The following RASSF8 variants were observed in gnomAD, a reference collection of about 807,000 sequenced individuals.
RASSF8 encodes Ras association domain family member 8.
A neutral mutation model predicts 48.5 loss-of-function variants in RASSF8; 22 were observed. The ratio of observed to expected loss-of-function variants is 0.45; its 90% confidence interval spans 0.32 to 0.65. RASSF8 has a LOEUF of 0.65. Among genes scored for constraint, RASSF8 ranks in the 30% least tolerant of loss-of-function variants. The pLI is 0.03. For synonymous variants in RASSF8, 127 were observed against 171.5 expected (o/e 0.74, Z 2.03); for missense variants, 418 against 489.2 (o/e 0.85, Z 1.37).
intron 2 of RASSF8, among the ~76,000 whole-genome samples, chr12:26,010,569 G>C (rs1218378896): frequency 6.6e-6 from 1 of 152,198 alleles, no homozygotes. Context: ...CAGTGGGAAA[G>C]CTCTTTCCTT....
At chr12:26,050,431 A>G (rs1342468186) in intron 2 of RASSF8, among the ~76,000 whole-genome samples, 1 of 152,190 alleles carries the variant, frequency 6.6e-6, no homozygotes, top group Non-Finnish European at 1.5e-5. Context: ...GTACTAGATA[A>G]GGTACAATTT....
chr12:25,984,989 A>G (rs1941838214), intron 1 of RASSF8, among the ~76,000 whole-genome samples: 1 of 152,130 alleles, frequency 6.6e-6, no homozygotes, highest in Non-Finnish European at 1.5e-5. Flanking sequence ...TGTCCAGAGG[A>G]AAGCATCCAG....
Position 26,064,933 on chromosome 12 carries a change from T to C in RASSF8, c.539T>C (p.Ile180Thr). ...IRLQTEKLQS[I>T]EKQLESNEIE... ...CTGCAGACAGAGAAGCTTCAATCCA[T>C]TGAGAAACAGCTGGAATCTAATGAA... Residue 180 changes from isoleucine to threonine, a missense_variant, in exon 4 of 6, where the codon ATT (isoleucine) becomes ACT (threonine). Ile to Thr is a moderately conservative substitution (Grantham distance 89). Transcript: ENST00000689635. 1 of 1,614,100 alleles carries C rather than the reference T, an allele frequency of 6.2e-7. No homozygotes were observed. The highest frequency in any genetic ancestry group is 8.5e-7 in the Non-Finnish European group (1 of 1,180,012).
chr12:25,961,384 A>T lies in RASSF8; in HGVS notation c.-203+2236A>T, dbSNP rs1234055815. On this transcript the variant is annotated intron_variant, in intron 1 of 5. Transcript: ENST00000689635. Reference sequence around the variant, plus strand: ...GGGAATGGGAGTTGGATAGAAAAACATGCATCATAAATTAAAGATTTGGAT... The same window carrying T: ...GGGAATGGGAGTTGGATAGAAAAACTTGCATCATAAATTAAAGATTTGGAT... Among the ~76,000 whole-genome samples the T allele has an allele frequency of 2.0e-5, 3 of 152,234 alleles. No homozygotes were observed. The East Asian group carries it at 5.8e-4, about 29-fold the overall frequency.
chr12:26,000,089 A>G (rs1249167137), intron 2 of RASSF8, among the ~76,000 whole-genome samples: 5 of 152,232 alleles, frequency 3.3e-5, no homozygotes, highest in African/African-American at 9.6e-5. Flanking sequence ...TATAGAATAA[A>G]TAAGAGCCAA....
chr12:25,970,097 C>CTTT (rs1035793774), intron 1 of RASSF8, among the ~76,000 whole-genome samples: 5 of 142,860 alleles, frequency 3.5e-5, no homozygotes, highest in African/African-American at 7.7e-5. Flanking sequence ...TACGACCCCA[C>CTTT]TTTTTTTTTT....
intron 2 of RASSF8, among the ~76,000 whole-genome samples, chr12:26,015,042 C>CA (rs200867318): frequency 0.015 from 2,135 of 142,208 alleles, 38 homozygotes; most frequent in African/African-American, 0.032. Flanking sequence ...CCCGTCTGTC[C>CA]AAAAAAAAAA....
chr12:25,989,438 A>AT (rs1941963521), intron 1 of RASSF8, among the ~76,000 whole-genome samples: 1 of 152,120 alleles, frequency 6.6e-6, no homozygotes, highest in Admixed American at 6.5e-5. Flanking sequence ...AGACACCTAA[A>AT]TAATATGATG....
In RASSF8 at chr12:26,072,136, T is replaced by G. The variant is rs1332336002; in HGVS notation, c.*3318T>G. 3 of 984,376 alleles carry G rather than the reference T, an allele frequency of 3.0e-6. No homozygotes were observed. In the African/African-American group the frequency reaches 5.2e-5, roughly 17 times the overall value. 61.0% of individuals were successfully genotyped at this position (984,376 alleles called of 1,614,324 possible). A position where few individuals can be genotyped will look rare whatever the true frequency, so the allele number is the denominator to read the frequency against. ...TGCCTTTGATAAATTTGGCCTTAAT[T>G]TATATAACGATGCTGTGTTCACATC... On this transcript the variant is annotated 3_prime_UTR_variant, in exon 6 of 6. Coordinates refer to ENST00000689635, the MANE Select transcript of RASSF8 (RefSeq NM_001394098.1).
chr12:25,963,453 T>G (rs530021337), intron 1 of RASSF8, among the ~76,000 whole-genome samples: 7 of 152,186 alleles, frequency 4.6e-5, no homozygotes, highest in Non-Finnish European at 1.0e-4. Flanking sequence ...GAAGTACTTA[T>G]GTCTGTTATT....
chr12:25,977,400 A>C (rs934128031), intron 1 of RASSF8, among the ~76,000 whole-genome samples: 3 of 152,226 alleles, frequency 2.0e-5, no homozygotes, highest in African/African-American at 4.8e-5. Context: ...TAGTTTGCCC[A>C]TAACCATCTT....
chr12:26,020,820 C>G (rs940323602), intron 2 of RASSF8, among the ~76,000 whole-genome samples: 1 of 152,220 alleles, frequency 6.6e-6, no homozygotes, highest in South Asian at 2.1e-4. Context: ...CCTTGCTTTT[C>G]CACTTAGCTG....
At position 26,071,698 on chromosome 12, in the gene RASSF8, G is replaced by C; in HGVS notation, c.*2880G>C. 1.0e-6 allele frequency: 1 copy of C among 979,798 alleles called. No individual in the cohort carries two copies. Among genetic ancestry groups the C allele is most frequent in the Non-Finnish European group, 1.2e-6 (1 of 824,994 alleles). 60.7% of individuals were successfully genotyped at this position (979,798 alleles called of 1,614,324 possible). The stretch of plus-strand genomic sequence containing the variant: ...GAGACTTCAGTTGGTATTAATAGGA[G>C]TTACCTATTTAATTCTCCCAGTCAT... On this transcript the variant is annotated 3_prime_UTR_variant, in exon 6 of 6. Coordinates refer to ENST00000689635, the MANE Select transcript of RASSF8 (RefSeq NM_001394098.1).
chr12:26,013,475 C>T (rs985865170), intron 2 of RASSF8, among the ~76,000 whole-genome samples: 6 of 152,128 alleles, frequency 3.9e-5, no homozygotes, highest in Non-Finnish European at 8.8e-5. Flanking sequence ...ATCCTGTGTC[C>T]TTCTAGTTTT....
chr12:25,960,288 T>C (rs1431253582), intron 1 of RASSF8, among the ~76,000 whole-genome samples: 1 of 152,224 alleles, frequency 6.6e-6, no homozygotes, highest in East Asian at 1.9e-4. Context: ...CATCATGTTA[T>C]GAAGGAACAG....
At chr12:26,012,788 C>T (rs1942560769) in intron 2 of RASSF8, among the ~76,000 whole-genome samples, 1 of 151,442 alleles carries the variant, frequency 6.6e-6, no homozygotes. Context: ...TCCATCAGTC[C>T]TCCTGTCTCA....
chr12:26,066,365 A>T (rs972067658), intron 4 of RASSF8, among the ~76,000 whole-genome samples: 2 of 152,202 alleles, frequency 1.3e-5, no homozygotes, highest in African/African-American at 4.8e-5. Flanking sequence ...GAGGTTTGAG[A>T]AGAGCTGCTT....
At chr12:26,009,441 G>A (rs1942470414) in intron 2 of RASSF8, among the ~76,000 whole-genome samples, 1 of 152,154 alleles carries the variant, frequency 6.6e-6, no homozygotes, top group South Asian at 2.1e-4. Flanking sequence ...TTTAGTGGAT[G>A]GGTGGTGGCG....
rs1943843943 is a variant in RASSF8 at position 26,065,240 on chromosome 12, A to G, written c.846A>G (p.Gln282=). 8.1e-6 allele frequency: 13 copies of G among 1,614,110 alleles called. No homozygotes were observed. The highest frequency in any genetic ancestry group is 2.7e-5 in the African/African-American group (2 of 74,952). The change falls in exon 4 of 6, where the codon CAA becomes CAG. Residue 282 remains glutamine, a synonymous_variant. Transcript: ENST00000689635. ...CAGAAAAATTGCAACGGGAAGTTCA[A>G]GAGGCACAGGTCAATGAGGAAGAGG... ...LEAEKLQREV[Q]EAQVNEEEVK...
Sources: allele counts gnomAD v4.1 joint callset (sites outside exome capture counted in the v4.1 genomes callset), GRCh38; gene constraint gnomAD v4.1.1; transcripts MANE v1.5; gene names NCBI Gene and HGNC (gene_info 2026-07-23, HGNC 2026-07-21).